The following ARHGEF37 variants were observed in gnomAD, a reference collection of about 807,000 sequenced individuals.
ARHGEF37 encodes the protein Rho guanine nucleotide exchange factor (GEF) 37.
Under a neutral mutation model 71.1 loss-of-function variants are expected in ARHGEF37, and 55 were observed. The observed-to-expected ratio is 0.77, with a 90% CI of 0.62 to 0.97. ARHGEF37 has a LOEUF of 0.97. Ranked by LOEUF, ARHGEF37 falls within the 50% of genes least tolerant of loss-of-function variation. The probability of loss-of-function intolerance (pLI) is 0.00; values close to 1 mark genes in which losing one functional copy is unlikely to be tolerated. For missense variants in ARHGEF37, 765 were observed against 836.8 expected, an observed-to-expected ratio of 0.91 and a Z score of 1.06; for synonymous variants, 327 against 350.6, an observed-to-expected ratio of 0.93 and a Z score of 0.75.
In ARHGEF37 at chr5:149,618,962, T is replaced by C; in HGVS notation, c.814T>C (p.Leu272=). 1.2e-6 allele frequency: 2 copies of C among 1,614,112 alleles called. No individual in the cohort carries two copies. The highest frequency in any genetic ancestry group is 2.2e-5 in the South Asian group (2 of 91,080). ...GACAGAAGACAAGGAATTTGATGATTTAGAAGAGAGGTTCCAGTGGGTGTC... is the reference window on the plus strand; with the variant it reads ...GACAGAAGACAAGGAATTTGATGATCTAGAAGAGAGGTTCCAGTGGGTGTC... ...PRTEDKEFDD[L]EERFQWVSLC... Residue 272 remains leucine (L), a synonymous_variant, in exon 7 of 13, where the codon TTA becomes CTA. Coordinates refer to ENST00000333677, the MANE Select transcript of ARHGEF37 (RefSeq NM_001001669.3).
At chr5:149,554,575 G>C (rs2113224627) in intron 1 of ARHGEF37, among the ~76,000 whole-genome samples, 1 of 151,952 alleles carries the variant, frequency 6.6e-6, no homozygotes, top group African/African-American at 2.4e-5. Flanking sequence ...AGATGTGAGT[G>C]GGTCTAGCCT....
intron 5 of ARHGEF37, among the ~76,000 whole-genome samples, chr5:149,617,648 C>T (rs1469539800): frequency 2.0e-5 from 3 of 152,166 alleles, no homozygotes; most frequent in Non-Finnish European, 2.9e-5. Context: ...TGGTAAGGGA[C>T]AGAGCCAGGT....
chr5:149,604,930 G>C (rs1265482272), intron 3 of ARHGEF37, among the ~76,000 whole-genome samples: 1 of 150,970 alleles, frequency 6.6e-6, no homozygotes, highest in African/African-American at 2.4e-5. Flanking sequence ...ACAGCATTTT[G>C]AAAGATTTTT....
At chr5:149,605,781 G>A (rs1430957138) in intron 3 of ARHGEF37, among the ~76,000 whole-genome samples, 4 of 152,134 alleles carry the variant, frequency 2.6e-5, no homozygotes, top group Non-Finnish European at 5.9e-5. Context: ...CGTCTCTGAG[G>A]CTCAGAGAGG....
intron 1 of ARHGEF37, among the ~76,000 whole-genome samples, chr5:149,568,975 T>G (rs940304813): frequency 6.6e-6 from 1 of 152,134 alleles, no homozygotes; most frequent in Non-Finnish European, 1.5e-5. Context: ...GTATGTATAT[T>G]TATGTGTATG....
intron 1 of ARHGEF37, among the ~76,000 whole-genome samples, chr5:149,595,883 T>C (rs1019800152): frequency 5.3e-5 from 8 of 152,174 alleles, no homozygotes; most frequent in Non-Finnish European, 1.0e-4. Context: ...GAGACCTTTT[T>C]TCCTCACCCA....
In ARHGEF37 at chr5:149,627,291, C is replaced by A. The variant is rs775057192; in HGVS notation, c.1660+20C>A. 3.7e-6 allele frequency: 6 copies of A among 1,605,220 alleles called. No homozygotes were observed. The highest frequency in any genetic ancestry group is 1.3e-5 in the African/African-American group (1 of 74,728). ...CCGGGGGTACGTGAGCCTTTGGGAG[C>A]CCTTCTTCTCCTTCGGGGAAAACCA... On this transcript the variant is annotated intron_variant, in intron 11 of 12. Transcript: ENST00000333677.
At chr5:149,596,477 G>T (rs1312532308) in intron 1 of ARHGEF37, among the ~76,000 whole-genome samples, 2 of 152,008 alleles carry the variant, frequency 1.3e-5, no homozygotes, top group African/African-American at 4.8e-5. Context: ...GCTAATTTTT[G>T]TATTTTGAGT....
At chr5:149,585,677 C>T (rs1377857452) in intron 1 of ARHGEF37, among the ~76,000 whole-genome samples, 1 of 110,716 alleles carries the variant, frequency 9.0e-6, no homozygotes, top group Non-Finnish European at 1.8e-5. Flanking sequence ...GCCACCACGC[C>T]CAGCTAATTT....
At chr5:149,589,733 CAG>C (rs1561790980) in intron 1 of ARHGEF37, among the ~76,000 whole-genome samples, 1 of 152,132 alleles carries the variant, frequency 6.6e-6, no homozygotes, top group Non-Finnish European at 1.5e-5. Flanking sequence ...CTCCTGACCT[CAG>C]GTGATCCTCC....
intron 4 of ARHGEF37, among the ~76,000 whole-genome samples, chr5:149,613,433 G>A (rs1752259823): frequency 6.7e-6 from 1 of 150,066 alleles, no homozygotes; most frequent in African/African-American, 2.5e-5. Context: ...TGCAACCTCT[G>A]CCTCCGGGGT....
intron 1 of ARHGEF37, among the ~76,000 whole-genome samples, chr5:149,557,892 G>A (rs1402374451): frequency 7.0e-6 from 1 of 142,306 alleles, no homozygotes; most frequent in East Asian, 2.1e-4. Context: ...TTGAGACAGA[G>A]TCTCACTCTG....
chr5:149,615,294 A>G (rs1013759411), intron 4 of ARHGEF37, among the ~76,000 whole-genome samples: 2 of 145,574 alleles, frequency 1.4e-5, no homozygotes, highest in African/African-American at 2.5e-5. Context: ...AGCCACCACC[A>G]TGCCTAGTTA....
chr5:149,583,050 A>G (rs1293515515), intron 1 of ARHGEF37, among the ~76,000 whole-genome samples: 2 of 152,242 alleles, frequency 1.3e-5, no homozygotes, highest in Admixed American at 1.3e-4. Flanking sequence ...GAAAGTAGAA[A>G]CTACCAGATA....
intron 11 of ARHGEF37, among the ~76,000 whole-genome samples, chr5:149,628,422 G>A (rs1752765151): frequency 6.6e-6 from 1 of 152,220 alleles, no homozygotes; most frequent in South Asian, 2.1e-4. Context: ...AGAGGAGAAA[G>A]GCAGTCTCCG....
chr5:149,580,424 A>G (rs1763085052), upstream of ARHGEF37, among the ~76,000 whole-genome samples: 1 of 152,076 alleles, frequency 6.6e-6, no homozygotes. Context: ...CTCATCTGTC[A>G]CATTCAAGAG....
chr5:149,581,658 CAGGA>C (rs1360702974), intron 1 of ARHGEF37, 34 bp downstream of exon 1: 1 of 152,144 alleles, frequency 6.6e-6, no homozygotes, highest in Non-Finnish European at 1.5e-5. Context: ...CCTGGTCAAG[CAGGA>C]TGGGGCTGGA....
chr5:149,624,211 C>T (rs1158733958), intron 10 of ARHGEF37, 71 bp downstream of exon 10: 2 of 1,507,710 alleles, frequency 1.3e-6, no homozygotes, highest in Non-Finnish European at 1.8e-6. Flanking sequence ...CTCCATCCAT[C>T]CCCTCTTTCC....
At chr5:149,601,721 C>A (rs1300976054) in intron 3 of ARHGEF37, among the ~76,000 whole-genome samples, 1 of 152,096 alleles carries the variant, frequency 6.6e-6, no homozygotes, top group Non-Finnish European at 1.5e-5. Flanking sequence ...GGGAAGGCCT[C>A]TGGAGGAGGG....
Sources: gnomAD v4.1 joint callset for allele counts (sites outside exome capture counted in the v4.1 genomes callset) on GRCh38, gnomAD v4.1.1 for gene constraint, MANE v1.5 for transcripts, NCBI Gene and HGNC (gene_info 2026-07-23, HGNC 2026-07-21) for gene names.